The following CCNG1 variants were observed in gnomAD, a reference collection of about 807,000 sequenced individuals.
CCNG1 encodes the protein cyclin-G1.
A neutral mutation model predicts 30.0 loss-of-function variants in CCNG1; 13 were observed. That is an observed-to-expected ratio of 0.43 (90% CI 0.28 to 0.69). The LOEUF (loss-of-function observed/expected upper bound fraction) is 0.69, where lower values mean the gene tolerates loss of function less well. Among genes scored for constraint, CCNG1 ranks in the 30% least tolerant of loss-of-function variants. The probability of loss-of-function intolerance (pLI) is 0.16; values close to 1 mark genes in which losing one functional copy is unlikely to be tolerated. For missense variants in CCNG1, 285 were observed against 331.4 expected, an observed-to-expected ratio of 0.86 and a Z score of 1.09; for synonymous variants, 110 against 121.5, an observed-to-expected ratio of 0.91 and a Z score of 0.62.
At chr5:163,443,184 C>T (rs1757909092) in intron 6 of CCNG1, among the ~76,000 whole-genome samples, 1 of 151,822 alleles carries the variant, frequency 6.6e-6, no homozygotes, top group Admixed American at 6.6e-5. Flanking sequence ...CGGTGGCGGG[C>T]GCCTGTAGTC....
chr5:163,439,723 AAT>A (rs1757711976), intron 2 of CCNG1: 4 of 489,944 alleles, frequency 8.2e-6, no homozygotes, highest in South Asian at 6.6e-5. Context: ...TGAAATGAAA[AAT>A]AGTCTAATAT....
the CCNG1 span, chr5:163,453,052 CA>C: frequency 2.0e-5 from 3 of 152,226 alleles, no homozygotes; most frequent in African/African-American, 7.2e-5. Context: ...GCATTGTAGT[CA>C]TGTAAGATAA....
downstream of CCNG1, chr5:163,450,554 A>G (rs1758153500): frequency 6.6e-6 from 1 of 152,264 alleles, no homozygotes. Context: ...CAAATAGCCA[A>G]TAAGCACAAG....
downstream of CCNG1, chr5:163,448,480 T>TA (rs1241641239): frequency 6.6e-6 from 1 of 152,112 alleles, no homozygotes; most frequent in Non-Finnish European, 1.5e-5. Context: ...TACCCAAACT[T>TA]AAATAAACCT....
In CCNG1 at chr5:163,442,499, A is replaced by G. The variant is rs376784326; in HGVS notation, c.822A>G (p.Ala274=). 3.7e-6 allele frequency: 6 copies of G among 1,613,956 alleles called. No homozygotes were observed. Among genetic ancestry groups the G allele is most frequent in the Non-Finnish European group, 5.1e-6 (6 of 1,179,952 alleles). The change falls in exon 6 of 7, where the codon GCA becomes GCG. Residue 274 remains alanine (A), a synonymous_variant. Transcript: ENST00000340828. ...AATGGATTGTTTCTGGGCGTACTGC[A>G]CGGCAATTGAAGCATAGCTACTACA... ...KLKWIVSGRT[A]RQLKHSYYRI...
chr5:163,440,771 G>T (rs1757773304), intron 2 of CCNG1, among the ~76,000 whole-genome samples: 1 of 152,122 alleles, frequency 6.6e-6, no homozygotes, highest in Non-Finnish European at 1.5e-5. Context: ...TAACTTATTT[G>T]ATCAAACTAG....
chr5:163,455,138 T>C, the CCNG1 span, among the ~76,000 whole-genome samples: 1 of 147,194 alleles, frequency 6.8e-6, no homozygotes, highest in Non-Finnish European at 1.5e-5. Flanking sequence ...AGTTGGTAAG[T>C]GACACAGAAA....
At chr5:163,457,147 T>TTA in the CCNG1 span, 87 of 1,495,888 alleles carry the variant, frequency 5.8e-5, 3 homozygotes, top group Non-Finnish European at 7.6e-5. Context: ...TTGTTTTTTT[T>TTA]TTTTTTGAGA....
the CCNG1 span, chr5:163,453,435 A>C: frequency 1.3e-5 from 2 of 152,474 alleles, no homozygotes; most frequent in East Asian, 3.8e-4. Flanking sequence ...GTAATCCCTC[A>C]AGTAATAATA....
In CCNG1 at chr5:163,441,904, T is replaced by G. The variant is rs11541970; in HGVS notation, c.537T>G (p.Phe179Leu). 0.032 allele frequency: 51,361 copies of G among 1,601,946 alleles called. 957 individuals carry two copies. The highest frequency in any genetic ancestry group is 0.048 in the Middle Eastern group (290 of 6,032). The change falls in exon 4 of 7, where the codon TTT (phenylalanine) becomes TTG (leucine). Residue 179 changes from phenylalanine (F) to leucine (L), a missense_variant. Physicochemically the swap from Phe to Leu is conservative, Grantham distance 22 (BLOSUM62 0). Coordinates refer to ENST00000340828, the MANE Select transcript of CCNG1 (RefSeq NM_004060.4). ...LPLERRNSIN[F>L]ERLEAQLKAC... ...TTTAAAGGAGAAATAGCATTAATTT[T>G]GAAAGACTAGAAGCTCAACTGAAGG...
At chr5:163,441,803 AT>A (rs1316204950) in intron 3 of CCNG1, 82 bp from the exon 4 acceptor site, 2 of 800,688 alleles carry the variant, frequency 2.5e-6, no homozygotes, top group Non-Finnish European at 4.1e-6. Flanking sequence ...TACTTTAAAA[AT>A]TGACTTCAAT....
At chr5:163,438,894 CGCATGCCTGTAATCCCA>C (rs1235626550) in intron 1 of CCNG1, among the ~76,000 whole-genome samples, 3 of 152,056 alleles carry the variant, frequency 2.0e-5, no homozygotes, top group Admixed American at 6.6e-5. Flanking sequence ...GGCGCGGTGG[CGCATGCCTGTAATCCCA>C]GCTCCTCGGG....
chr5:163,453,863 C>T, the CCNG1 span: 1 of 512,674 alleles, frequency 2.0e-6, no homozygotes, highest in Non-Finnish European at 3.5e-6. Context: ...ATTTTGCAAT[C>T]TGTTAACTGT....
At chr5:163,456,876 T>C in the CCNG1 span, 1 of 1,162,792 alleles carries the variant, frequency 8.6e-7, no homozygotes, top group Non-Finnish European at 1.1e-6. Context: ...AATATTTATT[T>C]GATGATTTTT....
At chr5:163,440,803 T>C (rs1757775468) in intron 2 of CCNG1, among the ~76,000 whole-genome samples, 1 of 152,198 alleles carries the variant, frequency 6.6e-6, no homozygotes, top group South Asian at 2.1e-4. Context: ...CTTATAGTTC[T>C]ACAGTGATTA....
At chr5:163,438,228 A>C (rs1757590236) in intron 1 of CCNG1, among the ~76,000 whole-genome samples, 1 of 151,740 alleles carries the variant, frequency 6.6e-6, no homozygotes, top group Non-Finnish European at 1.5e-5. Flanking sequence ...GCAACAACCC[A>C]CCGCACCCCC....
downstream of CCNG1, chr5:163,450,194 G>C (rs1758143112): frequency 6.6e-6 from 1 of 152,218 alleles, no homozygotes. Context: ...CCAGCAGGCA[G>C]AGGTTGCAGT....
chr5:163,444,631 C>T lies in CCNG1; in HGVS notation c.*961C>T, dbSNP rs1197888481. The T allele has an allele frequency of 1.3e-5, 2 of 152,616 alleles. No individual in the cohort carries two copies. The highest frequency in any genetic ancestry group is 2.4e-5 in the African/African-American group (1 of 41,464). The allele number at this position is 152,616 out of a possible 1,614,324, so 9.5% of individuals were successfully genotyped here. ...AAATCTTAAGAAAAGCAAGTAGACA[C>T]CTTCATAACTATGAATGAAGCTGCT... On this transcript the variant is annotated 3_prime_UTR_variant, in exon 7 of 7. Transcript: ENST00000340828.
chr5:163,443,367 G>C (rs542697608), intron 6 of CCNG1, among the ~76,000 whole-genome samples: 1 of 151,888 alleles, frequency 6.6e-6, no homozygotes, highest in East Asian at 1.9e-4. Flanking sequence ...TCTACATTGG[G>C]TATCTGGAAA....
Sources: gnomAD v4.1 joint callset for allele counts (sites outside exome capture counted in the v4.1 genomes callset) on GRCh38, gnomAD v4.1.1 for gene constraint, MANE v1.5 for transcripts, NCBI Gene and HGNC (gene_info 2026-07-23, HGNC 2026-07-21) for gene names.